LRP1B: variants seen among roughly 807,000 people sequenced by gnomAD.
The protein encoded by LRP1B is LDL receptor related protein 1B.
In LRP1B, 217 loss-of-function variants were observed where a neutral mutation model predicts 556.6. The observed-to-expected ratio is 0.39, with a 90% CI of 0.35 to 0.44. The LOEUF (loss-of-function observed/expected upper bound fraction) is 0.44. Ranked by LOEUF, LRP1B falls within the 20% of genes least tolerant of loss-of-function variation. LRP1B has a pLI of 1.00. For missense variants in LRP1B, 5,053 were observed against 5,620.8 expected (o/e 0.90, Z 3.23); for synonymous variants, 2,047 against 1,865.8 (o/e 1.10, Z -2.50).
intron 2 of LRP1B, among the ~76,000 whole-genome samples, chr2:141,688,795 T>C (rs913908271): frequency 5.3e-5 from 8 of 151,852 alleles, no homozygotes; most frequent in Non-Finnish European, 1.2e-4. Context: ...TGAGAAGTCA[T>C]GGAAAGAAAC....
chr2:141,679,609 C>A (rs575680263), intron 2 of LRP1B, among the ~76,000 whole-genome samples: 3 of 152,192 alleles, frequency 2.0e-5, no homozygotes, highest in East Asian at 1.9e-4. Context: ...TAAAGAAACA[C>A]TTTTATGTGA....
intron 2 of LRP1B, among the ~76,000 whole-genome samples, chr2:141,757,946 G>A (rs535605953): frequency 1.3e-5 from 2 of 152,212 alleles, no homozygotes; most frequent in Non-Finnish European, 1.5e-5. Context: ...AATGGTGAAT[G>A]CAAAAAACTT....
chr2:141,993,424 A>G (rs1361614202), intron 1 of LRP1B, among the ~76,000 whole-genome samples: 1 of 41,974 alleles, frequency 2.4e-5, no homozygotes, highest in Non-Finnish European at 4.9e-5. Context: ...CACTAGGAGC[A>G]GGAAATTTTT....
chr2:140,668,837 A>C (rs1394837410), intron 41 of LRP1B, among the ~76,000 whole-genome samples: 1 of 151,958 alleles, frequency 6.6e-6, no homozygotes, highest in Non-Finnish European at 1.5e-5. Context: ...ACAAAGAAAA[A>C]TAAAAAATAT....
rs145668504 is a variant in LRP1B, at chr2:140,851,717, T to G, written c.4646A>C (p.Asn1549Thr). The G allele has an allele frequency of 6.2e-7, 1 of 1,611,320 alleles. No individual in the cohort carries two copies. Among genetic ancestry groups the G allele is most frequent in the Admixed American group, 1.7e-5 (1 of 59,212 alleles). ...GGGGCACGCACAGGCAGCACTCCTATTGTGATTGATTAGACACATGTGAGA... is the reference window on the plus strand; with the variant it reads ...GGGGCACGCACAGGCAGCACTCCTAGTGTGATTGATTAGACACATGTGAGA... ...PCSHMCLINH[N>T]RSAACACPHL... Residue 1549 changes from asparagine (N) to threonine (T), a missense_variant, in exon 28 of 91, where the codon AAT (asparagine) becomes ACT (threonine). By Grantham distance (65) the Asn-to-Thr change is moderately conservative (BLOSUM62 0). This residue lies in a region of LRP1B where 3,619 missense variants were observed against 3,931.9 expected (regional missense o/e 0.92). Transcript: ENST00000389484.
At chr2:141,259,155 T>C (rs1684594797) in intron 3 of LRP1B, among the ~76,000 whole-genome samples, 1 of 152,194 alleles carries the variant, frequency 6.6e-6, no homozygotes, top group African/African-American at 2.4e-5. Flanking sequence ...CTTTGTATTA[T>C]TAATAAATAG....
chr2:142,112,702 A>C (rs545902409), intron 1 of LRP1B, among the ~76,000 whole-genome samples: 1 of 152,194 alleles, frequency 6.6e-6, no homozygotes, highest in South Asian at 2.1e-4. Context: ...CTGGTGTTTA[A>C]GCCTCTTCTC....
chr2:140,997,802 G>C (rs1466276127), intron 15 of LRP1B, among the ~76,000 whole-genome samples: 1 of 151,864 alleles, frequency 6.6e-6, no homozygotes, highest in East Asian at 1.9e-4. Context: ...TGGTTTGCTG[G>C]ATCTCTTTAT....
intron 3 of LRP1B, among the ~76,000 whole-genome samples, chr2:141,376,954 C>A (rs1413561445): frequency 6.6e-6 from 1 of 152,056 alleles, no homozygotes; most frequent in African/African-American, 2.4e-5. Context: ...AGTACCTCAA[C>A]CGCTTTATTT....
intron 6 of LRP1B, among the ~76,000 whole-genome samples, chr2:141,218,972 G>A (rs1277691173): frequency 6.6e-6 from 1 of 152,204 alleles, no homozygotes; most frequent in Non-Finnish European, 1.5e-5. Flanking sequence ...AATGACCAAG[G>A]TGCCACACAG....
intron 32 of LRP1B, among the ~76,000 whole-genome samples, chr2:140,790,655 T>G (rs1415586405): frequency 1.3e-5 from 2 of 152,168 alleles, no homozygotes; most frequent in African/African-American, 4.8e-5. Flanking sequence ...GAGGCCCGTC[T>G]GGAAGAGGGA....
chr2:141,198,497 T>C (rs945318653), intron 6 of LRP1B, among the ~76,000 whole-genome samples: 1 of 152,176 alleles, frequency 6.6e-6, no homozygotes, highest in Admixed American at 6.5e-5. Flanking sequence ...AACCTGTGCA[T>C]GTCTTTCTTG....
At chr2:140,850,863 C>T (rs968078743) in intron 28 of LRP1B, among the ~76,000 whole-genome samples, 7 of 152,042 alleles carry the variant, frequency 4.6e-5, no homozygotes, top group South Asian at 4.1e-4. Flanking sequence ...CATTGTGAGG[C>T]GTTATATCAC....
Position 140,475,268 on chromosome 2 carries a change from CTGAT to C in LRP1B, c.9491_9494del (p.Asn3164ArgfsTer5). ...AAATCTTGGTTTCTATGACAACACT[CTGAT>C]TGGTTCCATCCATTCCAACACGGCC... On this transcript the variant is annotated frameshift_variant, in exon 60 of 91. Coordinates refer to ENST00000389484, the MANE Select transcript of LRP1B (RefSeq NM_018557.3). LOFTEE classifies it high-confidence loss of function. 6.2e-7 allele frequency: 1 copy of C among 1,612,142 alleles called. No homozygotes were observed. The highest frequency in any genetic ancestry group is 8.5e-7 in the Non-Finnish European group (1 of 1,178,796).
intron 7 of LRP1B, among the ~76,000 whole-genome samples, chr2:141,183,646 G>C (rs973608307): frequency 6.6e-6 from 1 of 151,980 alleles, no homozygotes; most frequent in African/African-American, 2.4e-5. Context: ...TTCACTGTCT[G>C]CAAGTCAAAA....
In LRP1B at chr2:141,055,144, G is replaced by A. The variant is rs1699144051; in HGVS notation, c.1524C>T (p.Asn508=). The A allele has an allele frequency of 6.2e-7, 1 of 1,612,046 alleles. No homozygotes were observed. The highest frequency in any genetic ancestry group is 1.7e-5 in the Admixed American group (1 of 59,766). Residue 508 remains asparagine, a synonymous_variant, in exon 10 of 91, where the codon AAC becomes AAT. Transcript: ENST00000389484. ...TGCATGACCTGCCATCACTTCCCAAGTTGAAGCCAGTCCTGCAGCGACAAG... is the reference window on the plus strand; with the variant it reads ...TGCATGACCTGCCATCACTTCCCAAATTGAAGCCAGTCCTGCAGCGACAAG... The part of the protein sequence containing the change: ...TRTCRCRTGF[N]LGSDGRSCKR...
At chr2:141,366,121 A>G (rs1689026860) in intron 3 of LRP1B, among the ~76,000 whole-genome samples, 1 of 152,206 alleles carries the variant, frequency 6.6e-6, no homozygotes, top group Non-Finnish European at 1.5e-5. Context: ...CACTGCTGCA[A>G]CAAATCTACT....
At chr2:141,535,472 C>T (rs568683318) in intron 2 of LRP1B, among the ~76,000 whole-genome samples, 2 of 151,916 alleles carry the variant, frequency 1.3e-5, no homozygotes, top group Admixed American at 6.6e-5. Context: ...TTCAAGATTT[C>T]TCCTATGAGC....
chr2:141,919,598 T>C (rs957991172), intron 1 of LRP1B, among the ~76,000 whole-genome samples: 2 of 152,030 alleles, frequency 1.3e-5, no homozygotes, highest in Non-Finnish European at 2.9e-5. Flanking sequence ...CATAGACAGA[T>C]TAAGTCTACA....
Sources: allele counts gnomAD v4.1 joint callset (sites outside exome capture counted in the v4.1 genomes callset), GRCh38; gene constraint gnomAD v4.1.1; regional missense constraint gnomAD v4.1.1; transcripts MANE v1.5; gene names NCBI Gene and HGNC (gene_info 2026-07-23, HGNC 2026-07-21).